The following DTNBP1 variants were observed in gnomAD, a reference collection of about 807,000 sequenced individuals.
DTNBP1 encodes the protein dystrobrevin binding protein 1.
In DTNBP1, 35 loss-of-function variants were observed where a neutral mutation model predicts 42.8. The observed-to-expected ratio is 0.82, with a 90% CI of 0.63 to 1.09. The LOEUF (loss-of-function observed/expected upper bound fraction) is 1.09. Among genes scored for constraint, DTNBP1 ranks in the 50% least tolerant of loss-of-function variants. DTNBP1 has a pLI of 0.00. For synonymous variants in DTNBP1, 171 were observed against 162.2 expected (o/e 1.05, Z -0.41); for missense variants, 457 against 424.2 (o/e 1.08, Z -0.68).
chr6:15,599,868 T>G (rs1347724931), intron 6 of DTNBP1, among the ~76,000 whole-genome samples: 1 of 152,198 alleles, frequency 6.6e-6, no homozygotes, highest in Non-Finnish European at 1.5e-5. Context: ...TGTTACTGAT[T>G]TTTTTATTCA....
At chr6:15,611,853 G>A (rs1268091269) in intron 6 of DTNBP1, among the ~76,000 whole-genome samples, 2 of 152,214 alleles carry the variant, frequency 1.3e-5, no homozygotes, top group Non-Finnish European at 2.9e-5. Context: ...TCCTATGGAT[G>A]AGCAAAGGAA....
intron 6 of DTNBP1, among the ~76,000 whole-genome samples, chr6:15,611,329 G>GA (rs1355611621): frequency 1.2e-4 from 17 of 147,384 alleles, no homozygotes; most frequent in Admixed American, 3.4e-4. Context: ...CTACTGCTCA[G>GA]AAAAAAAAAA....
chr6:15,621,621 T>C (rs1350850773), intron 5 of DTNBP1, among the ~76,000 whole-genome samples: 1 of 152,242 alleles, frequency 6.6e-6, no homozygotes, highest in Non-Finnish European at 1.5e-5. Flanking sequence ...GTGGTCATTT[T>C]ACTGCTAACA....
In DTNBP1 at chr6:15,522,910, A is replaced by C; in HGVS notation, c.*65T>G. The C allele has an allele frequency of 6.2e-7, 1 of 1,613,896 alleles. No homozygotes were observed. The highest frequency in any genetic ancestry group is 8.5e-7 in the Non-Finnish European group (1 of 1,179,994). ...CCTCTATAAAACAACCTGGCTTTCC[A>C]GGTGGAATTCCGCATACAGCCAAAA... On this transcript the variant is annotated 3_prime_UTR_variant, in exon 10 of 10. Coordinates refer to ENST00000344537, the MANE Select transcript of DTNBP1 (RefSeq NM_032122.5).
intron 6 of DTNBP1, among the ~76,000 whole-genome samples, chr6:15,601,681 T>TAA (rs553025129): frequency 3.1e-4 from 43 of 140,922 alleles, no homozygotes; most frequent in South Asian, 3.0e-3. Context: ...CCGTCTCTAC[T>TAA]AAAAAAAAAA....
At chr6:15,578,991 G>A (rs1775700638) in intron 7 of DTNBP1, among the ~76,000 whole-genome samples, 1 of 152,112 alleles carries the variant, frequency 6.6e-6, no homozygotes, top group South Asian at 2.1e-4. Flanking sequence ...CAGTATGGAG[G>A]TGCCCCCAAA....
At chr6:15,594,921 TACTA>T (rs1337702300) in intron 6 of DTNBP1, among the ~76,000 whole-genome samples, 1 of 152,158 alleles carries the variant, frequency 6.6e-6, no homozygotes, top group African/African-American at 2.4e-5. Context: ...TACCCCCAAA[TACTA>T]ACAACCATAA....
chr6:15,596,188 A>C (rs1429241727), intron 6 of DTNBP1, among the ~76,000 whole-genome samples: 1 of 152,214 alleles, frequency 6.6e-6, no homozygotes, highest in Non-Finnish European at 1.5e-5. Context: ...TAAGGAGAGG[A>C]AGGAGACAAG....
chr6:15,590,547 G>A (rs1366355849), intron 7 of DTNBP1, among the ~76,000 whole-genome samples: 1 of 152,132 alleles, frequency 6.6e-6, no homozygotes, highest in African/African-American at 2.4e-5. Context: ...TACTCTACAT[G>A]TGCTTACAAT....
At position 15,613,059 on chromosome 6, in the gene DTNBP1, G is replaced by C. The variant is rs551056657; in HGVS notation, c.488+2208C>G. On this transcript the variant is annotated intron_variant, in intron 6 of 9. Coordinates refer to ENST00000344537, the MANE Select transcript of DTNBP1 (RefSeq NM_032122.5). The stretch of plus-strand genomic sequence containing the variant: ...GTGATGGCTCACGCCTGTAATCCCA[G>C]CACTTTGGGAGGCTGAGGCGAGTGG... Among the ~76,000 whole-genome samples the C allele has an allele frequency of 4.9e-4, 74 of 152,138 alleles. 1 individual carries two copies. The Middle Eastern group carries it at 0.01, about 21-fold the overall frequency.
At chr6:15,564,388 C>CA (rs931407436) in intron 7 of DTNBP1, among the ~76,000 whole-genome samples, 1 of 151,618 alleles carries the variant, frequency 6.6e-6, no homozygotes, top group East Asian at 1.9e-4. Context: ...AAGAAGCAGA[C>CA]AAAAAAAATT....
At chr6:15,536,295 T>A (rs559838022) in intron 7 of DTNBP1, among the ~76,000 whole-genome samples, 3 of 152,370 alleles carry the variant, frequency 2.0e-5, no homozygotes, top group South Asian at 4.1e-4. Context: ...CCTGGGCATG[T>A]CAGAGATTTT....
At chr6:15,595,127 C>A in intron 6 of DTNBP1, 1 of 456,204 alleles carries the variant, frequency 2.2e-6, no homozygotes, top group Non-Finnish European at 4.4e-6. Context: ...CAACTGTCAG[C>A]GAAATTTCCA....
At chr6:15,572,658 C>G (rs1469224667) in intron 7 of DTNBP1, among the ~76,000 whole-genome samples, 1 of 152,172 alleles carries the variant, frequency 6.6e-6, no homozygotes, top group East Asian at 1.9e-4. Flanking sequence ...AGAGAGGGAA[C>G]TGAGGCTCAG....
At chr6:15,635,621 T>A (rs1430921185) in intron 4 of DTNBP1, among the ~76,000 whole-genome samples, 1 of 152,210 alleles carries the variant, frequency 6.6e-6, no homozygotes, top group Non-Finnish European at 1.5e-5. Context: ...GAAACTGCAA[T>A]TTTACAGATA....
chr6:15,575,637 C>CT (rs1451348571), intron 7 of DTNBP1, among the ~76,000 whole-genome samples: 1 of 152,196 alleles, frequency 6.6e-6, no homozygotes, highest in African/African-American at 2.4e-5. Flanking sequence ...TATGTTTTCT[C>CT]TTTGAGTTTT....
intron 7 of DTNBP1, among the ~76,000 whole-genome samples, chr6:15,542,718 G>T (rs1475682190): frequency 6.6e-6 from 1 of 151,662 alleles, no homozygotes; most frequent in East Asian, 1.9e-4. Flanking sequence ...TTTAGACAGA[G>T]TCTCACTCTA....
rs78181071 is a variant in DTNBP1 at position 15,524,635 on chromosome 6, G to A, written c.702C>T (p.Asn234=). The change falls in exon 9 of 10, where the codon AAC becomes AAT. Residue 234 remains asparagine, a synonymous_variant. Coordinates refer to ENST00000344537, the MANE Select transcript of DTNBP1 (RefSeq NM_032122.5). ...GGTCCATCTGCTCCAGCATGTCCAC[G>A]TTCACTTCCATGGATGACATGCTGC... ...PIGSMSSMEV[N]VDMLEQMDLM... The A allele has an allele frequency of 3.5e-3, 5,609 of 1,613,746 alleles. 24 individuals are homozygous for A. The highest frequency in any genetic ancestry group is 7.1e-3 in the Middle Eastern group (43 of 6,062).
rs58633601 is a variant in DTNBP1, at chr6:15,627,790, GAA to G, written c.223-317_223-316del. Among the ~76,000 whole-genome samples the G allele has an allele frequency of 6.1e-5, 7 of 114,226 alleles. No individual in the cohort carries two copies. In the South Asian group the frequency reaches 8.2e-4, roughly 13 times the overall value. The allele number at this position is 114,226 out of a possible 152,430, so 74.9% of individuals were successfully genotyped here. ...CCATGTATTTGAAAAGCTAAATCTA[GAA>G]AAAAAAAAAACAAAAACAAAAAACT... On this transcript the variant is annotated intron_variant, in intron 4 of 9. Coordinates refer to ENST00000344537, the MANE Select transcript of DTNBP1 (RefSeq NM_032122.5).
Sources: allele counts gnomAD v4.1 joint callset (sites outside exome capture counted in the v4.1 genomes callset), GRCh38; gene constraint gnomAD v4.1.1; transcripts MANE v1.5; gene names NCBI Gene and HGNC (gene_info 2026-07-23, HGNC 2026-07-21).